The following ATP8A2 variants were observed in gnomAD, a reference collection of about 807,000 sequenced individuals.
ATP8A2 encodes phospholipid-transporting ATPase IB.
ATP8A2 carries 100 observed loss-of-function variants against 165.6 expected under a neutral mutation model. The ratio of observed to expected loss-of-function variants is 0.60; its 90% CI spans 0.51 to 0.71. The LOEUF is 0.71. Among genes scored for constraint, ATP8A2 ranks in the 30% least tolerant of loss-of-function variants. The pLI is 0.00. For missense variants in ATP8A2, 1,227 were observed against 1,479.5 expected, an observed-to-expected ratio of 0.83 and a Z score of 2.80; for synonymous variants, 543 against 548.8, an observed-to-expected ratio of 0.99 and a Z score of 0.15.
chr13:25,450,298 T>C (rs1397460699), intron 1 of ATP8A2, among the ~76,000 whole-genome samples: 1 of 152,226 alleles, frequency 6.6e-6, no homozygotes, highest in Non-Finnish European at 1.5e-5. Context: ...TGCATGTGTC[T>C]TTATAATAAA....
At chr13:25,531,176 T>TATATATGTTATATG (rs2038028691) in intron 4 of ATP8A2, among the ~76,000 whole-genome samples, 3 of 88,944 alleles carry the variant, frequency 3.4e-5, no homozygotes, top group African/African-American at 1.3e-4. Flanking sequence ...TGTTATATGA[T>TATATATGTTATATG]ATATATATGT....
At chr13:25,836,957 G>C (rs1951629600) in intron 28 of ATP8A2, among the ~76,000 whole-genome samples, 1 of 152,152 alleles carries the variant, frequency 6.6e-6, no homozygotes, top group Non-Finnish European at 1.5e-5. Flanking sequence ...GATGTTTTTA[G>C]TGTTCAGTGT....
At chr13:25,683,378 T>C (rs2042535209) in intron 24 of ATP8A2, among the ~76,000 whole-genome samples, 1 of 152,226 alleles carries the variant, frequency 6.6e-6, no homozygotes, top group Non-Finnish European at 1.5e-5. Context: ...TTTCTTAAAA[T>C]GCGTGATTTC....
intron 25 of ATP8A2, among the ~76,000 whole-genome samples, chr13:25,745,830 T>A (rs1203030580): frequency 6.6e-6 from 1 of 152,234 alleles, no homozygotes; most frequent in African/African-American, 2.4e-5. Context: ...CCTGAGTTTT[T>A]TGAATCATCC....
chr13:25,671,802 G>T (rs1235599369), intron 24 of ATP8A2, among the ~76,000 whole-genome samples: 1 of 152,146 alleles, frequency 6.6e-6, no homozygotes, highest in Non-Finnish European at 1.5e-5. Flanking sequence ...GCCTCCACTT[G>T]CCTTGTGATA....
chr13:25,557,326 C>T (rs1294374344), intron 13 of ATP8A2, among the ~76,000 whole-genome samples: 3 of 152,108 alleles, frequency 2.0e-5, no homozygotes, highest in Non-Finnish European at 4.4e-5. Flanking sequence ...CAGAGCAGGC[C>T]TTGGACCTTG....
At chr13:25,520,437 G>T (rs61948599) in intron 2 of ATP8A2, among the ~76,000 whole-genome samples, 5,819 of 152,190 alleles carry the variant, frequency 0.038, 145 homozygotes, top group Non-Finnish European at 0.05. Flanking sequence ...GGCCACTTAG[G>T]TTGATTCTAT....
intron 2 of ATP8A2, among the ~76,000 whole-genome samples, chr13:25,489,177 G>C (rs371507437): frequency 1.3e-5 from 2 of 152,112 alleles, no homozygotes; most frequent in South Asian, 2.1e-4. Flanking sequence ...CCCTGTTGAG[G>C]GACCATCGCT....
chr13:25,475,408 C>A lies in ATP8A2; in HGVS notation c.221+6287C>A, dbSNP rs188377268. ...AGTGTATATGTACATTTTCTTTATCCAGTCTGTTGTTGATGGACATTTAGG... is the reference window on the plus strand; with the variant it reads ...AGTGTATATGTACATTTTCTTTATCAAGTCTGTTGTTGATGGACATTTAGG... On this transcript the variant is annotated intron_variant, in intron 2 of 36. Coordinates refer to ENST00000381655, the MANE Select transcript of ATP8A2 (RefSeq NM_016529.6). 1.0e-3 allele frequency among the ~76,000 whole-genome samples: 154 copies of A among 152,164 alleles called. 5 individuals carry two copies. The East Asian group carries it at 0.019, about 19-fold the overall frequency.
At chr13:25,454,949 C>G (rs2035326185) in intron 1 of ATP8A2, among the ~76,000 whole-genome samples, 1 of 152,082 alleles carries the variant, frequency 6.6e-6, no homozygotes, top group Non-Finnish European at 1.5e-5. Context: ...AAAACAATGG[C>G]TTTAACTACT....
rs146932649 is a variant in ATP8A2, at chr13:25,750,903, T to C, written c.2385-18143T>C. Among the ~76,000 whole-genome samples the C allele has an allele frequency of 1.3e-5, 2 of 152,296 alleles. No individual in the cohort carries two copies. Among genetic ancestry groups the C allele is most frequent in the Non-Finnish European group, 2.9e-5 (2 of 68,010 alleles). The stretch of plus-strand genomic sequence containing the variant: ...AAGCCTGAGATTGTGTTGTTCTCTG[T>C]CCAGGGTCCAACAGGGAACTGAAAT... On this transcript the variant is annotated intron_variant, in intron 25 of 36. Transcript: ENST00000381655. This position sits in a 1 kb window ranked among gnomAD's most constrained non-coding sequence, Gnocchi z 4.3.
chr13:25,657,196 G>A (rs900217630), intron 24 of ATP8A2, among the ~76,000 whole-genome samples: 2 of 151,876 alleles, frequency 1.3e-5, no homozygotes, highest in Admixed American at 1.3e-4. Flanking sequence ...CACATGAAAT[G>A]AGTTTGGTGT....
At chr13:25,762,969 T>C (rs973300447) in intron 25 of ATP8A2, among the ~76,000 whole-genome samples, 1 of 152,154 alleles carries the variant, frequency 6.6e-6, no homozygotes. Flanking sequence ...TCACATGACA[T>C]TTTGTAGGAA....
chr13:25,997,761 T>C (rs1956543121), intron 35 of ATP8A2, among the ~76,000 whole-genome samples: 1 of 152,210 alleles, frequency 6.6e-6, no homozygotes, highest in Non-Finnish European at 1.5e-5. Flanking sequence ...TTTTCCGTTC[T>C]GAAATTTCCT....
intron 1 of ATP8A2, among the ~76,000 whole-genome samples, chr13:25,452,629 A>G (rs2035259927): frequency 6.6e-6 from 1 of 152,188 alleles, no homozygotes. Flanking sequence ...TATATTAGAC[A>G]TTTTATATTT....
At chr13:25,461,904 C>A (rs761435319) in intron 1 of ATP8A2, among the ~76,000 whole-genome samples, 1 of 151,746 alleles carries the variant, frequency 6.6e-6, no homozygotes, top group African/African-American at 2.4e-5. Context: ...GAGATAGAGA[C>A]CATATGTGGC....
intron 2 of ATP8A2, among the ~76,000 whole-genome samples, chr13:25,483,124 A>AG (rs2036254959): frequency 6.6e-6 from 1 of 152,192 alleles, no homozygotes; most frequent in African/African-American, 2.4e-5. Context: ...TAAGCATATG[A>AG]GGCTGCTGTC....
At chr13:25,616,326 CTTTTTTTTTT>C (rs535891442) in intron 24 of ATP8A2, among the ~76,000 whole-genome samples, 3 of 106,754 alleles carry the variant, frequency 2.8e-5, no homozygotes, top group African/African-American at 3.8e-5. Flanking sequence ...TTCTTTCTTT[CTTTTTTTTTT>C]TTTTTTTTTT....
chr13:25,984,401 C>T lies in ATP8A2; in HGVS notation c.3377+15722C>T, dbSNP rs527597698. ...GGTGGATCGCTTGAGGTCAGGAGTT[C>T]GAGACCAGCCTGGCCAACGTGGTGA... On this transcript the variant is annotated intron_variant, in intron 35 of 36. Transcript: ENST00000381655. Among the ~76,000 whole-genome samples the T allele has an allele frequency of 1.7e-4, 26 of 151,656 alleles. No homozygotes were observed. The Middle Eastern group carries it at 0.01, about 60-fold the overall frequency.
Sources: allele counts gnomAD v4.1 joint callset (sites outside exome capture counted in the v4.1 genomes callset), GRCh38; gene constraint gnomAD v4.1.1; non-coding constraint Gnocchi (gnomAD v3.1); transcripts MANE v1.5; gene names NCBI Gene and HGNC (gene_info 2026-07-23, HGNC 2026-07-21).